The following CNTN4 variants were observed in gnomAD, a reference collection of about 807,000 sequenced individuals.
The protein encoded by CNTN4 is contactin-4.
CNTN4 carries 77 observed loss-of-function variants against 122.5 expected under a neutral mutation model. The observed-to-expected ratio is 0.63, with a 90% CI of 0.52 to 0.76. The LOEUF is 0.76. CNTN4 is among the 30% of genes least tolerant of loss of function. The pLI is 0.00. For synonymous variants in CNTN4, 512 were observed against 447.0 expected (o/e 1.15, Z -1.83); for missense variants, 1,256 against 1,259.1 (o/e 1.00, Z 0.04).
At chr3:3,033,999 G>T (rs576895403) in intron 16 of CNTN4, among the ~76,000 whole-genome samples, 11 of 152,284 alleles carry the variant, frequency 7.2e-5, no homozygotes, top group Admixed American at 6.5e-4. Context: ...AGAAGGGAGC[G>T]CCTTGACTCT....
At chr3:2,371,656 G>A (rs981883946) in intron 3 of CNTN4, among the ~76,000 whole-genome samples, 3 of 152,070 alleles carry the variant, frequency 2.0e-5, no homozygotes, top group African/African-American at 4.8e-5. Context: ...CGCTAGATTC[G>A]TGTTCAGGAT....
intron 4 of CNTN4, among the ~76,000 whole-genome samples, chr3:2,600,200 G>A (rs2080972828): frequency 6.6e-6 from 1 of 151,198 alleles, no homozygotes; most frequent in Admixed American, 6.6e-5. Flanking sequence ...AGACCTTGGA[G>A]GGCAGCTTAG....
intron 2 of CNTN4, among the ~76,000 whole-genome samples, chr3:2,157,795 T>C (rs1475579052): frequency 6.6e-6 from 1 of 152,238 alleles, no homozygotes; most frequent in Non-Finnish European, 1.5e-5. Context: ...TTGATGTTGC[T>C]CCTGACTTCA....
chr3:2,362,665 A>G, intron 3 of CNTN4: 1 of 402,402 alleles, frequency 2.5e-6, no homozygotes, highest in South Asian at 2.0e-5. Context: ...ATCAATGATG[A>G]GAAGCTGGGT....
intron 4 of CNTN4, among the ~76,000 whole-genome samples, chr3:2,698,603 C>T (rs768249861): frequency 2.6e-5 from 4 of 152,072 alleles, no homozygotes; most frequent in Admixed American, 1.3e-4. Context: ...TTTCTAAGTC[C>T]GTACAGCTAG....
At chr3:3,027,392 G>A (rs1221404751) in intron 15 of CNTN4, among the ~76,000 whole-genome samples, 2 of 152,186 alleles carry the variant, frequency 1.3e-5, no homozygotes, top group Non-Finnish European at 1.5e-5. Flanking sequence ...AGAAAGGCTG[G>A]ATGAAATTGC....
intron 3 of CNTN4, among the ~76,000 whole-genome samples, chr3:2,535,733 A>T (rs2077777829): frequency 6.6e-6 from 1 of 152,120 alleles, no homozygotes; most frequent in Non-Finnish European, 1.5e-5. Flanking sequence ...TTTTGATGTT[A>T]TTTCTACTAT....
chr3:2,627,587 G>A (rs1257567942), intron 4 of CNTN4, among the ~76,000 whole-genome samples: 5 of 148,962 alleles, frequency 3.4e-5, no homozygotes, highest in Non-Finnish European at 5.9e-5. Flanking sequence ...TCCGCCTCCT[G>A]GGTTCAGGCC....
At chr3:2,525,731 T>A (rs1038211913) in intron 3 of CNTN4, among the ~76,000 whole-genome samples, 3 of 152,198 alleles carry the variant, frequency 2.0e-5, no homozygotes, top group African/African-American at 7.2e-5. Flanking sequence ...TATCAAATTC[T>A]GGCTTTCTAA....
chr3:2,194,656 G>A (rs1446070162), intron 2 of CNTN4, among the ~76,000 whole-genome samples: 2 of 152,026 alleles, frequency 1.3e-5, no homozygotes, highest in Non-Finnish European at 2.9e-5. Context: ...AGTAGGGTGG[G>A]CCCCCAACCC....
chr3:2,917,888 T>G (rs557618567), intron 12 of CNTN4, among the ~76,000 whole-genome samples: 1 of 146,004 alleles, frequency 6.8e-6, no homozygotes, highest in South Asian at 2.3e-4. Context: ...CAACAAAACC[T>G]CTATCAGTCA....
At chr3:2,168,274 G>A (rs2036290483) in intron 2 of CNTN4, among the ~76,000 whole-genome samples, 1 of 152,096 alleles carries the variant, frequency 6.6e-6, no homozygotes, top group Non-Finnish European at 1.5e-5. Context: ...AGGTTATATT[G>A]TCTAATTAAA....
intron 6 of CNTN4, among the ~76,000 whole-genome samples, chr3:2,805,473 G>T (rs1284216223): frequency 6.6e-6 from 1 of 152,200 alleles, no homozygotes; most frequent in African/African-American, 2.4e-5. Flanking sequence ...AAATGAGAAT[G>T]TAGCTGGATA....
At position 2,455,257 on chromosome 3, in the gene CNTN4, T is replaced by C. The variant is rs561570042; in HGVS notation, c.-89+116024T>C. The stretch of plus-strand genomic sequence containing the variant: ...TCAGTAAGGAAGAATCATCAAGCTG[T>C]GTTTGGCTTAATAATAACCATTATT... On this transcript the variant is annotated intron_variant, in intron 3 of 24. Transcript: ENST00000418658. Among the ~76,000 whole-genome samples the C allele has an allele frequency of 1.6e-3, 244 of 152,216 alleles. 1 individual carries two copies. The highest frequency in any genetic ancestry group is 5.6e-3 in the African/African-American group (231 of 41,554).
At chr3:2,965,135 C>T (rs371713370) in intron 13 of CNTN4, among the ~76,000 whole-genome samples, 2 of 152,208 alleles carry the variant, frequency 1.3e-5, no homozygotes, top group Admixed American at 1.3e-4. Context: ...CCTCTGTGCT[C>T]TCAGAATCAA....
rs1699441189 is a variant in CNTN4 at position 3,034,626 on chromosome 3, T to C, written c.1784-6T>C. ...CTCCAATTCTGGGGGTCTTGCTCTT[T>C]CCCAGGTCCTCCAGGTCCCCCAGAG... On this transcript the variant is annotated splice_region_variant and splice_polypyrimidine_tract_variant and intron_variant, in intron 16 of 24. Transcript: ENST00000418658. The C allele has an allele frequency of 3.1e-6, 5 of 1,614,086 alleles. No individual in the cohort carries two copies. Among genetic ancestry groups the C allele is most frequent in the Non-Finnish European group, 4.2e-6 (5 of 1,179,974 alleles).
intron 2 of CNTN4, among the ~76,000 whole-genome samples, chr3:2,227,113 T>C (rs940186187): frequency 6.6e-6 from 1 of 152,180 alleles, no homozygotes; most frequent in Non-Finnish European, 1.5e-5. Context: ...TGCAGATATG[T>C]GCATTCATTG....
intron 3 of CNTN4, among the ~76,000 whole-genome samples, chr3:2,531,322 G>T (rs112410377): frequency 6.6e-6 from 1 of 152,106 alleles, no homozygotes; most frequent in Non-Finnish European, 1.5e-5. Flanking sequence ...GTAGGCCTGG[G>T]TACGGGAGAT....
At chr3:2,700,830 C>G (rs1406800915) in intron 4 of CNTN4, among the ~76,000 whole-genome samples, 1 of 152,176 alleles carries the variant, frequency 6.6e-6, no homozygotes, top group Non-Finnish European at 1.5e-5. Context: ...CTATCAGGGA[C>G]TATAATAATA....
Sources: gnomAD v4.1 joint callset for allele counts (sites outside exome capture counted in the v4.1 genomes callset) on GRCh38, gnomAD v4.1.1 for gene constraint, MANE v1.5 for transcripts, NCBI Gene and HGNC (gene_info 2026-07-23, HGNC 2026-07-21) for gene names.